The following GIT2 variants were observed in gnomAD, a reference collection of about 807,000 sequenced individuals.
The protein encoded by GIT2 is GIT ArfGAP 2.
In GIT2, 32 loss-of-function variants were observed where a neutral mutation model predicts 100.3. The observed-to-expected ratio is 0.32, with a 90% CI of 0.24 to 0.43. GIT2 has a LOEUF of 0.43. Ranked by LOEUF, GIT2 falls within the 20% of genes least tolerant of loss-of-function variation. The pLI, the probability that GIT2 is intolerant of heterozygous loss-of-function variation, is 1.00. For missense variants in GIT2, 737 were observed against 975.1 expected (o/e 0.76, Z 3.25); for synonymous variants, 353 against 364.1 (o/e 0.97, Z 0.35).
chr12:109,933,117 C>T lies in GIT2; in HGVS notation c.2141G>A (p.Cys714Tyr), dbSNP rs1413833211. ...TSSAYRLQSE[C>Y]KKTLPGDPGS... ...GGGGTCCCCTGGGAGGGTCTTCTTG[C>T]ACTCTGACTGCAGTCGGTAGGCACT... Residue 714 changes from cysteine to tyrosine, a missense_variant, in exon 20 of 20, where the codon TGC becomes TAC. Transcript: ENST00000355312. The surrounding 1 kb of genome is among the most constrained non-coding windows in gnomAD (Gnocchi z 4.5). 6.2e-7 allele frequency: 1 copy of T among 1,611,208 alleles called. No individual in the cohort carries two copies. The highest frequency in any genetic ancestry group is 8.5e-7 in the Non-Finnish European group (1 of 1,178,246).
chr12:109,980,888 C>G (rs1323573454), intron 7 of GIT2, 64 bp downstream of exon 7: 1 of 962,142 alleles, frequency 1.0e-6, no homozygotes, highest in Non-Finnish European at 1.7e-6. Flanking sequence ...AAATAGTGTC[C>G]CAACTTGTTT....
intron 7 of GIT2, among the ~76,000 whole-genome samples, chr12:109,972,308 T>TA (rs1283193540): frequency 1.3e-5 from 2 of 152,202 alleles, no homozygotes; most frequent in African/African-American, 2.4e-5. Context: ...ATTAAATAGA[T>TA]ACTGTTTATC....
intron 12 of GIT2, 124 bp from the exon 13 acceptor site, chr12:109,953,358 G>T: frequency 2.2e-6 from 2 of 897,004 alleles, no homozygotes; most frequent in Non-Finnish European, 3.5e-6. Context: ...CTGTGCTCTT[G>T]CCTGTAATCC....
chr12:109,996,831 T>C (rs1482754403), upstream of GIT2, among the ~76,000 whole-genome samples: 1 of 152,080 alleles, frequency 6.6e-6, no homozygotes. Context: ...TAATCTCAAC[T>C]CTTTGGAAGG....
rs143016818 is a variant in GIT2 at position 109,993,840 on chromosome 12, T to C, written c.53-2080A>G. Among the ~76,000 whole-genome samples, 269 of 151,926 alleles carry C rather than the reference T, an allele frequency of 1.8e-3. 1 individual carries two copies. The highest frequency in any genetic ancestry group is 3.3e-3 in the Non-Finnish European group (221 of 67,978). On this transcript the variant is annotated intron_variant, in intron 1 of 19. Transcript: ENST00000355312. ...AAGTAATTGAACTCAGAGTGTGATG[T>C]ATTTGAAATGAACCAGATTCATTAA...
At chr12:109,998,776 C>T (rs1326600574), upstream of GIT2, 1 of 152,032 alleles carries the variant, frequency 6.6e-6, no homozygotes, top group African/African-American at 2.4e-5. Context: ...TTTTTCTCCC[C>T]GAGACGACAT....
At position 109,933,122 on chromosome 12, in the gene GIT2, T is replaced by A. The variant is rs767491436; in HGVS notation, c.2136A>T (p.Ser712=). The A allele has an allele frequency of 3.1e-6, 5 of 1,610,486 alleles. No individual in the cohort carries two copies. The South Asian group carries it at 5.5e-5, about 18-fold the overall frequency. The change falls in exon 20 of 20, where the codon TCA becomes TCT. Residue 712 remains serine (S), a synonymous_variant. Coordinates refer to ENST00000355312, the MANE Select transcript of GIT2 (RefSeq NM_057169.5). The surrounding 1 kb of genome is among the most constrained non-coding windows in gnomAD (Gnocchi z 4.5). ...LLTSSAYRLQ[S]ECKKTLPGDP... ...CCCCTGGGAGGGTCTTCTTGCACTCTGACTGCAGTCGGTAGGCACTGGACG... is the reference window on the plus strand; with the variant it reads ...CCCCTGGGAGGGTCTTCTTGCACTCAGACTGCAGTCGGTAGGCACTGGACG...
intron 7 of GIT2, among the ~76,000 whole-genome samples, chr12:109,977,337 C>T (rs1449108985): frequency 6.6e-6 from 1 of 151,748 alleles, no homozygotes; most frequent in Non-Finnish European, 1.5e-5. Flanking sequence ...ATGGTGAAAC[C>T]CCATCTCTAC....
chr12:109,979,772 G>C (rs1402727922), intron 7 of GIT2, among the ~76,000 whole-genome samples: 1 of 152,096 alleles, frequency 6.6e-6, no homozygotes, highest in Non-Finnish European at 1.5e-5. Flanking sequence ...GTTCTATTTT[G>C]CAGGAGACAC....
In GIT2 at chr12:109,991,763, G is replaced by C; in HGVS notation, c.53-3C>G. 1 of 1,610,100 alleles carries C rather than the reference G, an allele frequency of 6.2e-7. No homozygotes were observed. The highest frequency in any genetic ancestry group is 8.5e-7 in the Non-Finnish European group (1 of 1,177,912). ...ATTTACTGATGCCCAGGAAGGATCTGGAAAGAGAGTGAAATCTCAGTGGCA... is the reference window on the plus strand; with the variant it reads ...ATTTACTGATGCCCAGGAAGGATCTCGAAAGAGAGTGAAATCTCAGTGGCA... On this transcript the variant is annotated splice_polypyrimidine_tract_variant and splice_region_variant and intron_variant, in intron 1 of 19. Transcript: ENST00000355312.
intron 17 of GIT2, 29 bp from the exon 18 acceptor site, chr12:109,938,597 CA>C (rs1565934082): frequency 6.6e-7 from 1 of 1,521,238 alleles, no homozygotes; most frequent in Admixed American, 2.1e-5. Flanking sequence ...CAGTTAAATA[CA>C]GCAGGTGCTT....
chr12:109,935,453 T>A (rs903535427), intron 18 of GIT2, among the ~76,000 whole-genome samples: 1 of 152,158 alleles, frequency 6.6e-6, no homozygotes, highest in Non-Finnish European at 1.5e-5. Flanking sequence ...TGGTGCAATC[T>A]CGGCTCACTG....
intron 15 of GIT2, among the ~76,000 whole-genome samples, chr12:109,946,843 C>T (rs189151451): frequency 6.6e-6 from 1 of 152,114 alleles, no homozygotes; most frequent in African/African-American, 2.4e-5. Context: ...CTAAGGGCTC[C>T]AGTACTTAAA....
chr12:109,946,499 A>G (rs1876384422), intron 15 of GIT2, among the ~76,000 whole-genome samples: 1 of 152,266 alleles, frequency 6.6e-6, no homozygotes, highest in African/African-American at 2.4e-5. Flanking sequence ...TTTTTATAAT[A>G]AAGTAATCCA....
At chr12:109,949,289 C>G (rs1173162269) in intron 14 of GIT2, among the ~76,000 whole-genome samples, 1 of 152,238 alleles carries the variant, frequency 6.6e-6, no homozygotes, top group Non-Finnish European at 1.5e-5. Flanking sequence ...AGGTGTGTAA[C>G]TGACACAGGT....
chr12:109,953,990 G>A (rs1371031550), intron 12 of GIT2: 1 of 152,202 alleles, frequency 6.6e-6, no homozygotes, highest in African/African-American at 2.4e-5. Flanking sequence ...TGTTAAACTG[G>A]AGCCAGAACC....
In GIT2 at chr12:109,954,563, T is replaced by G. The variant is rs554803731; in HGVS notation, c.1100-1329A>C. ...TTTCCCAGAGATGTTGAGGAAACAA[T>G]GGATGGATGATATCTGGGTGATGAA... is the stretch of plus-strand genomic sequence containing the variant. On this transcript the variant is annotated intron_variant, in intron 12 of 19. Coordinates refer to ENST00000355312, the MANE Select transcript of GIT2 (RefSeq NM_057169.5). 9.9e-5 allele frequency: 15 copies of G among 152,188 alleles called. No individual in the cohort carries two copies. In the East Asian group the frequency reaches 2.9e-3, roughly 29 times the overall value. The allele number at this position is 152,188 out of a possible 1,614,324, so 9.4% of individuals were successfully genotyped here. A position where few individuals can be genotyped will look rare whatever the true frequency, so the allele number is the denominator to read the frequency against.
chr12:109,966,921 G>C (rs1339264096), intron 8 of GIT2, among the ~76,000 whole-genome samples: 1 of 151,998 alleles, frequency 6.6e-6, no homozygotes, highest in African/African-American at 2.4e-5. Flanking sequence ...GGGGCAAAAA[G>C]AAAAAACAAT....
intron 16 of GIT2, among the ~76,000 whole-genome samples, chr12:109,942,327 T>C (rs1243183711): frequency 3.9e-5 from 6 of 152,136 alleles, no homozygotes; most frequent in African/African-American, 1.4e-4. Context: ...ATAATGAATC[T>C]TTTTTATTTA....
Sources: gnomAD v4.1 joint callset for allele counts (sites outside exome capture counted in the v4.1 genomes callset) on GRCh38, gnomAD v4.1.1 for gene constraint, Gnocchi (gnomAD v3.1) non-coding constraint, MANE v1.5 for transcripts, NCBI Gene and HGNC (gene_info 2026-07-23, HGNC 2026-07-21) for gene names.